PPHLN1: variants seen among roughly 807,000 people sequenced by gnomAD.
PPHLN1 encodes the protein periphilin 1.
In PPHLN1, 29 loss-of-function variants were observed where a neutral mutation model predicts 51.3. The ratio of observed to expected loss-of-function variants is 0.57; its 90% confidence interval spans 0.42 to 0.77. PPHLN1 has a LOEUF of 0.77. Ranked by LOEUF, PPHLN1 falls within the 30% of genes least tolerant of loss-of-function variation. The pLI is 0.00. For missense variants in PPHLN1, 436 were observed against 438.4 expected (o/e 0.99, Z 0.05); for synonymous variants, 147 against 147.8 (o/e 0.99, Z 0.04).
intron 4 of PPHLN1, among the ~76,000 whole-genome samples, chr12:42,366,974 G>C (rs7134895): frequency 0.28 from 42,610 of 151,862 alleles, 7,326 homozygotes; most frequent in Non-Finnish European, 0.38. Flanking sequence ...TTCTCTCTCT[G>C]TACACAGCCA....
chr12:42,370,997 G>C (rs1372347193), intron 4 of PPHLN1, among the ~76,000 whole-genome samples: 1 of 151,928 alleles, frequency 6.6e-6, no homozygotes, highest in Non-Finnish European at 1.5e-5. Context: ...ATAGAGATGG[G>C]GTTTCACCAT....
intron 4 of PPHLN1, among the ~76,000 whole-genome samples, chr12:42,368,651 C>T (rs1230065424): frequency 1.3e-5 from 2 of 152,120 alleles, no homozygotes; most frequent in African/African-American, 4.8e-5. Flanking sequence ...ACTCACAGAA[C>T]CCCCTTTTAT....
intron 9 of PPHLN1, among the ~76,000 whole-genome samples, chr12:42,402,209 G>A (rs1269568259): frequency 6.6e-6 from 1 of 152,014 alleles, no homozygotes; most frequent in African/African-American, 2.4e-5. Flanking sequence ...TGATTATTTT[G>A]GTGTTCTTTT....
intron 1 of PPHLN1, among the ~76,000 whole-genome samples, chr12:42,327,114 C>T (rs1212997547): frequency 6.6e-6 from 1 of 152,188 alleles, no homozygotes; most frequent in Non-Finnish European, 1.5e-5. Flanking sequence ...CCTTGGTTAC[C>T]GCCCAAGATG....
At chr12:42,401,268 G>A (rs963687348) in intron 9 of PPHLN1, among the ~76,000 whole-genome samples, 10 of 152,122 alleles carry the variant, frequency 6.6e-5, no homozygotes, top group African/African-American at 2.4e-4. Flanking sequence ...ATCTGTAGAA[G>A]GACGAGTCTC....
At chr12:42,343,055 G>T (rs1010257310) in intron 2 of PPHLN1, among the ~76,000 whole-genome samples, 1 of 152,118 alleles carries the variant, frequency 6.6e-6, no homozygotes, top group African/African-American at 2.4e-5. Flanking sequence ...AGTTCCACCT[G>T]TTCTCAAATG....
intron 1 of PPHLN1, among the ~76,000 whole-genome samples, chr12:42,326,985 G>C (rs1225199737): frequency 6.6e-6 from 1 of 152,186 alleles, no homozygotes; most frequent in Non-Finnish European, 1.5e-5. Flanking sequence ...AATCCATCCA[G>C]GGCGCAGCTG....
intron 2 of PPHLN1, among the ~76,000 whole-genome samples, chr12:42,343,602 T>A (rs11181442): frequency 0.16 from 24,748 of 152,202 alleles, 2,065 homozygotes; most frequent in Admixed American, 0.2. Flanking sequence ...TAGTTTTTTT[T>A]AATGGGAAAA....
At chr12:42,424,486 A>ACT (rs1254808887) in intron 9 of PPHLN1, among the ~76,000 whole-genome samples, 1 of 152,102 alleles carries the variant, frequency 6.6e-6, no homozygotes, top group Non-Finnish European at 1.5e-5. Flanking sequence ...AAGTTAGTGA[A>ACT]CTCTAGGATT....
At chr12:42,413,914 A>G (rs1198204906) in intron 9 of PPHLN1, among the ~76,000 whole-genome samples, 1 of 151,908 alleles carries the variant, frequency 6.6e-6, no homozygotes, top group Non-Finnish European at 1.5e-5. Context: ...TGATGCCTCC[A>G]GATTTGTTTT....
chr12:42,399,048 A>T lies in PPHLN1; in HGVS notation c.909+54A>T, dbSNP rs766472063. The T allele has an allele frequency of 1.7e-5, 27 of 1,589,418 alleles. No individual in the cohort carries two copies. In the South Asian group the frequency reaches 2.7e-4, roughly 16 times the overall value. ...AATTTTTGTTTGTGTTGCTTTGCAC[A>T]TGTAAACATTTATTGAATAAATATG... On this transcript the variant is annotated intron_variant, in intron 9 of 9. Coordinates refer to ENST00000358314, the MANE Select transcript of PPHLN1 (RefSeq NM_201439.2).
In PPHLN1 at chr12:42,326,214, C is replaced by T. The variant is rs750446044; in HGVS notation, c.-36C>T. 2.6e-5 allele frequency: 4 copies of T among 151,906 alleles called. No individual in the cohort carries two copies. Among genetic ancestry groups the T allele is most frequent in the Non-Finnish European group, 4.4e-5 (3 of 68,044 alleles). The allele number at this position is 151,906 out of a possible 1,614,324, so 9.4% of individuals were successfully genotyped here. A position where few individuals can be genotyped will look rare whatever the true frequency, so the allele number is the denominator to read the frequency against. On this transcript the variant is annotated 5_prime_UTR_variant, in exon 1 of 10. Transcript: ENST00000358314. Reference sequence around the variant, plus strand: ...GGACGGCTGCATTTACGGGGTCTCCCGGAGGGCCAGAGTCGGTGAGCGCTT... The same window carrying T: ...GGACGGCTGCATTTACGGGGTCTCCTGGAGGGCCAGAGTCGGTGAGCGCTT...
At chr12:42,433,347 G>A in intron 9 of PPHLN1, 1 of 531,148 alleles carries the variant, frequency 1.9e-6, no homozygotes, top group South Asian at 1.7e-5. Context: ...AAAAGCAACT[G>A]TAAGGGAGTT....
chr12:42,339,123 C>CATTT (rs2071113560), intron 2 of PPHLN1, among the ~76,000 whole-genome samples: 1 of 152,242 alleles, frequency 6.6e-6, no homozygotes. Context: ...TCAGCTGTCT[C>CATTT]TTAAATGCCT....
chr12:42,438,741 A>G (rs2406969), intron 9 of PPHLN1, among the ~76,000 whole-genome samples: 2 of 151,918 alleles, frequency 1.3e-5, no homozygotes, highest in African/African-American at 4.8e-5. Context: ...AGCTGGGATT[A>G]CAGGCATGCG....
intron 9 of PPHLN1, chr12:42,431,594 T>C: frequency 1.5e-6 from 1 of 675,762 alleles, no homozygotes. Flanking sequence ...CCATATTCTA[T>C]CTTTGGCAAG....
At chr12:42,436,960 C>T (rs2082535582) in intron 9 of PPHLN1, among the ~76,000 whole-genome samples, 1 of 152,138 alleles carries the variant, frequency 6.6e-6, no homozygotes, top group African/African-American at 2.4e-5. Flanking sequence ...ACTTGTAAAG[C>T]CTCTAATCTC....
At chr12:42,443,720 GGC>G (rs898724174), downstream of PPHLN1, 1 of 152,172 alleles carries the variant, frequency 6.6e-6, no homozygotes, top group African/African-American at 2.4e-5. Context: ...ACTTTTGCAT[GGC>G]TTACAAGCTA....
rs796750001 is a variant in PPHLN1, at chr12:42,401,199, G to T, written c.909+2205G>T. Among the ~76,000 whole-genome samples, 57 of 152,032 alleles carry T rather than the reference G, an allele frequency of 3.7e-4. 2 individuals carry two copies. Among genetic ancestry groups the T allele is most frequent in the African/African-American group, 1.4e-3 (57 of 41,466 alleles). On this transcript the variant is annotated intron_variant, in intron 9 of 9. Coordinates refer to ENST00000358314, the MANE Select transcript of PPHLN1 (RefSeq NM_201439.2). ...AAAGCCTAAACCAAAACAATTGCAG[G>T]GATGTGCCTGAAAATATTTTTTAAA...
Sources: allele counts gnomAD v4.1 joint callset (sites outside exome capture counted in the v4.1 genomes callset), GRCh38; gene constraint gnomAD v4.1.1; transcripts MANE v1.5; gene names NCBI Gene and HGNC (gene_info 2026-07-23, HGNC 2026-07-21).